TLE4: variants seen among roughly 807,000 people sequenced by gnomAD.
TLE4 encodes the protein transducin-like enhancer protein 4.
In TLE4, 8 loss-of-function variants were observed where a neutral mutation model predicts 92.8. The ratio of observed to expected loss-of-function variants is 0.09; its 90% CI spans 0.05 to 0.16. TLE4 has a LOEUF of 0.16. Among genes scored for constraint, TLE4 ranks in the 10% least tolerant of loss-of-function variants. TLE4 has a pLI of 1.00. For synonymous variants in TLE4, 371 were observed against 374.1 expected (o/e 0.99, Z 0.10); for missense variants, 675 against 997.6 (o/e 0.68, Z 4.36).
chr9:79,577,216 T>A (rs867401011), intron 4 of TLE4, among the ~76,000 whole-genome samples: 22 of 152,140 alleles, frequency 1.4e-4, no homozygotes, highest in African/African-American at 5.3e-4. Flanking sequence ...CACATACTAT[T>A]AGGCCTTCAC....
intron 4 of TLE4, among the ~76,000 whole-genome samples, chr9:79,606,899 G>A (rs2047139779): frequency 1.3e-5 from 2 of 152,086 alleles, no homozygotes; most frequent in African/African-American, 4.8e-5. Context: ...CCCAGTAATG[G>A]GATCACTGGG....
chr9:79,627,263 C>A, intron 5 of TLE4, 111 bp from the exon 6 acceptor site: 1 of 1,061,484 alleles, frequency 9.4e-7, no homozygotes, highest in East Asian at 2.4e-5. Context: ...CCTGGAGATC[C>A]CCCAAATGCT....
chr9:79,609,024 G>A (rs1284601018), intron 4 of TLE4, among the ~76,000 whole-genome samples: 3 of 152,062 alleles, frequency 2.0e-5, no homozygotes, highest in Non-Finnish European at 4.4e-5. Context: ...AATTTGTTAT[G>A]TGATAAAGGA....
At chr9:79,585,447 C>G (rs1406818355) in intron 4 of TLE4, among the ~76,000 whole-genome samples, 1 of 152,168 alleles carries the variant, frequency 6.6e-6, no homozygotes, top group African/African-American at 2.4e-5. Context: ...ACTACCTTCC[C>G]CCAAATGCTT....
chr9:79,609,198 A>G lies in TLE4; in HGVS notation c.253-3458A>G, dbSNP rs549359315. Among the ~76,000 whole-genome samples the G allele has an allele frequency of 4.1e-4, 62 of 152,162 alleles. 1 individual carries two copies. In the South Asian group the frequency reaches 6.0e-3, roughly 15 times the overall value. ...TTGGAGTATGAAGAAATAAAGGATA[A>G]AAGATTCTTTTCTGTGTTTTCCTGT... On this transcript the variant is annotated intron_variant, in intron 4 of 19. Transcript: ENST00000376552.
intron 5 of TLE4, among the ~76,000 whole-genome samples, chr9:79,626,926 G>A (rs1197884515): frequency 1.3e-5 from 2 of 152,080 alleles, no homozygotes; most frequent in Non-Finnish European, 2.9e-5. Flanking sequence ...CGGTGTCTTC[G>A]CTAACCGTTA....
At chr9:79,584,095 C>T (rs1476428025) in intron 4 of TLE4, among the ~76,000 whole-genome samples, 2 of 152,220 alleles carry the variant, frequency 1.3e-5, no homozygotes. Flanking sequence ...TAGTGAGAGT[C>T]ACTGGCAGAA....
chr9:79,575,424 T>G (rs1335515997), intron 3 of TLE4, among the ~76,000 whole-genome samples: 2 of 152,192 alleles, frequency 1.3e-5, no homozygotes, highest in Non-Finnish European at 2.9e-5. Flanking sequence ...TTTTCAAATT[T>G]TTTTCTCTTT....
chr9:79,645,005 T>G (rs1163610292), intron 6 of TLE4, among the ~76,000 whole-genome samples: 1 of 152,192 alleles, frequency 6.6e-6, no homozygotes, highest in African/African-American at 2.4e-5. Context: ...GCCCTACATC[T>G]TCACCTATTT....
chr9:79,615,174 T>G (rs2049245123), intron 5 of TLE4, among the ~76,000 whole-genome samples: 1 of 152,084 alleles, frequency 6.6e-6, no homozygotes, highest in Non-Finnish European at 1.5e-5. Context: ...TGAAGCCAGA[T>G]GGACCATAAT....
At chr9:79,637,206 A>G (rs2056080308) in intron 6 of TLE4, among the ~76,000 whole-genome samples, 1 of 149,688 alleles carries the variant, frequency 6.7e-6, no homozygotes, top group African/African-American at 2.5e-5. Context: ...TTCCTGAAAA[A>G]GGTAACTAAA....
At chr9:79,686,539 A>T (rs934546450) in intron 8 of TLE4, among the ~76,000 whole-genome samples, 4 of 152,162 alleles carry the variant, frequency 2.6e-5, no homozygotes, top group Admixed American at 2.0e-4. Context: ...TCATGTCCTT[A>T]TAAGGAGAGA....
intron 8 of TLE4, among the ~76,000 whole-genome samples, chr9:79,679,692 A>G (rs1368283542): frequency 1.3e-5 from 2 of 152,164 alleles, no homozygotes; most frequent in East Asian, 3.9e-4. Context: ...ATCCTTGCCC[A>G]TGCCTATGTC....
rs181236366 is a variant in TLE4 at position 79,708,696 on chromosome 9, G to A, written c.1173G>A (p.Ala391=). Residue 391 remains alanine (A), a synonymous_variant, in exon 13 of 20, where the codon GCG becomes GCA. Coordinates refer to ENST00000376552, the MANE Select transcript of TLE4 (RefSeq NM_007005.6). The stretch of plus-strand genomic sequence containing the variant: ...ACGGAGAGCTGACCAGCCCCGGAGC[G>A]GCCTACGCTGGGCTCCACAACATCT... ...GMNGELTSPG[A]AYAGLHNISP... is the part of the protein sequence containing the mutation. 27 of 1,613,570 alleles carry A rather than the reference G, an allele frequency of 1.7e-5. No homozygotes were observed. The East Asian group carries it at 2.7e-4, about 16-fold the overall frequency.
intron 4 of TLE4, among the ~76,000 whole-genome samples, chr9:79,581,198 G>A (rs2039562091): frequency 6.6e-6 from 1 of 152,134 alleles, no homozygotes; most frequent in Non-Finnish European, 1.5e-5. Context: ...AATGAGTGTA[G>A]GTTTTAAATT....
At chr9:79,588,347 AC>A (rs1264064920) in intron 4 of TLE4, among the ~76,000 whole-genome samples, 1 of 152,002 alleles carries the variant, frequency 6.6e-6, no homozygotes, top group Non-Finnish European at 1.5e-5. Flanking sequence ...ACGGGGTTTC[AC>A]CATGTTGGCC....
At chr9:79,665,995 G>A (rs889445978) in intron 8 of TLE4, among the ~76,000 whole-genome samples, 1 of 152,100 alleles carries the variant, frequency 6.6e-6, no homozygotes, top group Non-Finnish European at 1.5e-5. Flanking sequence ...GTCTTGGACT[G>A]TTATTTGGTT....
intron 6 of TLE4, among the ~76,000 whole-genome samples, chr9:79,647,528 C>T (rs568766058): frequency 6.6e-6 from 1 of 152,186 alleles, no homozygotes; most frequent in South Asian, 2.1e-4. Flanking sequence ...CCAGAATAGG[C>T]TTATAGTACA....
intron 6 of TLE4, among the ~76,000 whole-genome samples, chr9:79,633,062 G>C (rs2054735501): frequency 6.6e-6 from 1 of 152,038 alleles, no homozygotes; most frequent in Non-Finnish European, 1.5e-5. Flanking sequence ...TTTCTTAACT[G>C]GTTCATTTGC....
Sources: gnomAD v4.1 joint callset for allele counts (sites outside exome capture counted in the v4.1 genomes callset) on GRCh38, gnomAD v4.1.1 for gene constraint, MANE v1.5 for transcripts, NCBI Gene and HGNC (gene_info 2026-07-23, HGNC 2026-07-21) for gene names.